Variants in ELMO1 observed in about 807,000 individuals in gnomAD.
The protein encoded by ELMO1 is engulfment and cell motility protein 1.
A neutral mutation model predicts 98.9 loss-of-function variants in ELMO1; 26 were observed. The ratio of observed to expected loss-of-function variants is 0.26; its 90% CI spans 0.19 to 0.36. ELMO1 has a LOEUF of 0.36. ELMO1 is among the 10% of genes least tolerant of loss of function. ELMO1 has a pLI of 1.00. For missense variants in ELMO1, 627 were observed against 935.2 expected (o/e 0.67, Z 4.30); for synonymous variants, 346 against 346.0 (o/e 1.00, Z 0.00).
intron 1 of ELMO1, among the ~76,000 whole-genome samples, chr7:37,413,128 ATT>A (rs35190792): frequency 2.7e-5 from 4 of 150,888 alleles, no homozygotes; most frequent in African/African-American, 9.8e-5. Context: ...ACTTGACCAA[ATT>A]TTTTTTTTGT....
At chr7:37,356,550 T>C (rs1801503635) in intron 1 of ELMO1, among the ~76,000 whole-genome samples, 1 of 151,986 alleles carries the variant, frequency 6.6e-6, no homozygotes, top group Admixed American at 6.6e-5. Context: ...ATGTTCTCAC[T>C]CATAAGTGGG....
rs906991164 is a variant in ELMO1 at position 36,920,488 on chromosome 7, T to C, written c.1438-25471A>G. ...TGGTTCTTTAAAGTTAATCACAACA[T>C]GGTTTTTGGTTTATATTCTAAAACA... On this transcript the variant is annotated intron_variant, in intron 16 of 21. Transcript: ENST00000310758. Among the ~76,000 whole-genome samples the C allele has an allele frequency of 4.6e-5, 7 of 152,358 alleles. No individual in the cohort carries two copies. The South Asian group carries it at 6.2e-4, about 14-fold the overall frequency.
At position 37,345,406 on chromosome 7, in the gene ELMO1, C is replaced by T. The variant is rs183323686; in HGVS notation, c.-73-2643G>A. 3.8e-3 allele frequency among the ~76,000 whole-genome samples: 581 copies of T among 152,076 alleles called. 3 individuals carry two copies. Among genetic ancestry groups the T allele is most frequent in the African/African-American group, 0.014 (565 of 41,500 alleles). ...CTCAGAGAAAGGTTCACCGAGAAGG[C>T]AGCACCTGAGTAAAGACATCTGAGG... is the stretch of plus-strand genomic sequence containing the variant. On this transcript the variant is annotated intron_variant, in intron 1 of 21. Coordinates refer to ENST00000310758, the MANE Select transcript of ELMO1 (RefSeq NM_014800.11).
rs370979620 is a variant in ELMO1, at chr7:37,124,005, T to C, written c.1191+9125A>G. ...AACATATGCAAATCCATAAACATAA[T>C]CCAGCATACAAACAGAACCAACGAC... is the stretch of plus-strand genomic sequence containing the variant. On this transcript the variant is annotated intron_variant, in intron 14 of 21. Coordinates refer to ENST00000310758, the MANE Select transcript of ELMO1 (RefSeq NM_014800.11). Among the ~76,000 whole-genome samples, 5 of 152,160 alleles carry C rather than the reference T, an allele frequency of 3.3e-5. No individual in the cohort carries two copies. The East Asian group carries it at 9.6e-4, about 29-fold the overall frequency.
intron 15 of ELMO1, among the ~76,000 whole-genome samples, chr7:37,092,424 G>T (rs982013573): frequency 7.2e-6 from 1 of 139,440 alleles, no homozygotes; most frequent in Non-Finnish European, 1.5e-5. Flanking sequence ...TGTCGCCCAG[G>T]CTGGAGGGCA....
chr7:37,183,197 AGGAGAAGGAG>A (rs931855324), intron 13 of ELMO1, among the ~76,000 whole-genome samples: 5 of 150,810 alleles, frequency 3.3e-5, no homozygotes, highest in African/African-American at 1.2e-4. Context: ...CTGGCACAGA[AGGAGAAGGAG>A]GAAGGAGGAG....
At chr7:37,203,470 T>C (rs1792413692) in intron 13 of ELMO1, among the ~76,000 whole-genome samples, 1 of 152,208 alleles carries the variant, frequency 6.6e-6, no homozygotes, top group Admixed American at 6.5e-5. Flanking sequence ...TAGCTTTTGT[T>C]AGGCCTGATT....
chr7:37,334,041 G>A (rs552677627), intron 2 of ELMO1, among the ~76,000 whole-genome samples: 3 of 152,286 alleles, frequency 2.0e-5, no homozygotes, highest in East Asian at 1.9e-4. Context: ...GTTTTCAAAT[G>A]TAGGTCCAAC....
chr7:37,095,334 C>G (rs960886276), intron 15 of ELMO1, among the ~76,000 whole-genome samples: 4 of 152,216 alleles, frequency 2.6e-5, no homozygotes, highest in African/African-American at 9.6e-5. Flanking sequence ...GGACTTACAT[C>G]CTTAAGCTGA....
At chr7:36,935,166 C>T (rs1479025913) in intron 16 of ELMO1, among the ~76,000 whole-genome samples, 2 of 152,138 alleles carry the variant, frequency 1.3e-5, no homozygotes, top group Non-Finnish European at 2.9e-5. Context: ...ACTGTTCTCG[C>T]GCCAGTGAAT....
At chr7:37,336,262 CT>C (rs1466568858) in intron 2 of ELMO1, among the ~76,000 whole-genome samples, 3 of 152,168 alleles carry the variant, frequency 2.0e-5, no homozygotes, top group African/African-American at 7.2e-5. Flanking sequence ...ATGGTCCCCC[CT>C]CTACATGATA....
chr7:37,160,340 C>T (rs1206905528), intron 13 of ELMO1, among the ~76,000 whole-genome samples: 2 of 152,220 alleles, frequency 1.3e-5, no homozygotes, highest in Non-Finnish European at 2.9e-5. Context: ...AGGAACATTT[C>T]AATCCTCCAC....
intron 2 of ELMO1, among the ~76,000 whole-genome samples, chr7:37,327,866 CA>C (rs1318441314): frequency 6.6e-6 from 1 of 152,162 alleles, no homozygotes; most frequent in Admixed American, 6.5e-5. Flanking sequence ...CTAAACTATG[CA>C]AACAATAATG....
At chr7:37,159,618 T>C (rs563084829) in intron 13 of ELMO1, among the ~76,000 whole-genome samples, 3 of 152,066 alleles carry the variant, frequency 2.0e-5, no homozygotes, top group African/African-American at 7.2e-5. Context: ...GAGAATCACT[T>C]GAACCAGGAG....
At chr7:37,040,262 T>C (rs986263514) in intron 15 of ELMO1, among the ~76,000 whole-genome samples, 2 of 152,200 alleles carry the variant, frequency 1.3e-5, no homozygotes, top group African/African-American at 2.4e-5. Context: ...AGCACAAAAC[T>C]AAATAAAGCC....
chr7:37,318,986 T>C (rs762071585), intron 2 of ELMO1, among the ~76,000 whole-genome samples: 1 of 152,224 alleles, frequency 6.6e-6, no homozygotes, highest in South Asian at 2.1e-4. Context: ...AAATCCTTCA[T>C]AGTTGCTCTT....
At chr7:37,006,377 T>C (rs1195258542) in intron 16 of ELMO1, among the ~76,000 whole-genome samples, 1 of 152,192 alleles carries the variant, frequency 6.6e-6, no homozygotes, top group African/African-American at 2.4e-5. Context: ...CCACAGTGAC[T>C]CTGGGAAGTA....
intron 15 of ELMO1, among the ~76,000 whole-genome samples, chr7:37,059,681 AC>A (rs1796568478): frequency 6.6e-6 from 1 of 152,148 alleles, no homozygotes; most frequent in Admixed American, 6.5e-5. Flanking sequence ...CCCAGACAGT[AC>A]AGCTGAATTC....
chr7:37,168,214 A>G (rs1789866013), intron 13 of ELMO1, among the ~76,000 whole-genome samples: 1 of 151,958 alleles, frequency 6.6e-6, no homozygotes, highest in Non-Finnish European at 1.5e-5. Flanking sequence ...ACTTCTCTGT[A>G]TTGGTTATTC....
Sources: allele counts gnomAD v4.1 joint callset (sites outside exome capture counted in the v4.1 genomes callset), GRCh38; gene constraint gnomAD v4.1.1; transcripts MANE v1.5; gene names NCBI Gene and HGNC (gene_info 2026-07-23, HGNC 2026-07-21).